The following CAMK4 variants were observed in gnomAD, a reference collection of about 807,000 sequenced individuals.
CAMK4 encodes the protein calcium/calmodulin dependent protein kinase IV.
In CAMK4, 22 loss-of-function variants were observed where a neutral mutation model predicts 44.9. That is an observed-to-expected ratio of 0.49 (90% confidence interval 0.35 to 0.70). The LOEUF (loss-of-function observed/expected upper bound fraction) is 0.70. CAMK4 is among the 30% of genes least tolerant of loss of function. The probability of loss-of-function intolerance (pLI) is 0.01; values close to 1 mark genes in which losing one functional copy is unlikely to be tolerated. For synonymous variants in CAMK4, 218 were observed against 215.4 expected (o/e 1.01, Z -0.11); for missense variants, 498 against 586.8 (o/e 0.85, Z 1.56).
intron 1 of CAMK4, among the ~76,000 whole-genome samples, chr5:111,330,459 G>T (rs1445385449): frequency 6.7e-6 from 1 of 149,380 alleles, no homozygotes; most frequent in Non-Finnish European, 1.5e-5. Context: ...AATCCTAGCA[G>T]GATCTTTGTT....
chr5:111,425,664 T>G (rs1753200619), intron 5 of CAMK4, among the ~76,000 whole-genome samples: 1 of 152,234 alleles, frequency 6.6e-6, no homozygotes, highest in Admixed American at 6.5e-5. Flanking sequence ...CAATATTGTA[T>G]TAAAATAATC....
intron 5 of CAMK4, among the ~76,000 whole-genome samples, chr5:111,445,818 T>C (rs766996456): frequency 6.6e-5 from 10 of 152,230 alleles, no homozygotes; most frequent in Non-Finnish European, 1.3e-4. Flanking sequence ...GAATGCTTTT[T>C]CTATGCATTA....
chr5:111,468,008 A>C (rs1754908960), intron 7 of CAMK4, among the ~76,000 whole-genome samples: 1 of 152,040 alleles, frequency 6.6e-6, no homozygotes, highest in Non-Finnish European at 1.5e-5. Flanking sequence ...GGAGTGAAAT[A>C]ATGACATTTG....
chr5:111,272,970 T>C (rs965483904), intron 1 of CAMK4, among the ~76,000 whole-genome samples: 2 of 152,168 alleles, frequency 1.3e-5, no homozygotes, highest in African/African-American at 2.4e-5. Context: ...CTCTAAAATA[T>C]TGCATTTCCA....
intron 5 of CAMK4, among the ~76,000 whole-genome samples, chr5:111,411,133 A>C (rs1752618329): frequency 6.6e-6 from 1 of 152,190 alleles, no homozygotes. Context: ...GATGGATCCT[A>C]AGGCAAGACA....
chr5:111,271,048 C>G (rs1750490216), intron 1 of CAMK4, among the ~76,000 whole-genome samples: 1 of 152,118 alleles, frequency 6.6e-6, no homozygotes, highest in Non-Finnish European at 1.5e-5. Context: ...CACGTGAGAA[C>G]TCACTCACTA....
At chr5:111,341,012 A>T (rs436530) in intron 1 of CAMK4, among the ~76,000 whole-genome samples, 131,848 of 150,960 alleles carry the variant, frequency 0.87, 57,836 homozygotes, top group East Asian at 1. Context: ...ATTTGTTCAT[A>T]CTAGTCTCTT....
At chr5:111,391,873 A>G (rs1751813668) in intron 4 of CAMK4, among the ~76,000 whole-genome samples, 1 of 152,204 alleles carries the variant, frequency 6.6e-6, no homozygotes, top group Non-Finnish European at 1.5e-5. Flanking sequence ...GAGCAAGTCA[A>G]TTATTTGGAG....
At chr5:111,269,711 C>T (rs933397687) in intron 1 of CAMK4, among the ~76,000 whole-genome samples, 2 of 152,114 alleles carry the variant, frequency 1.3e-5, no homozygotes, top group African/African-American at 4.8e-5. Context: ...CTGTGGACTC[C>T]CTGCAGTCCC....
chr5:111,260,712 A>G (rs1382648221), intron 1 of CAMK4, among the ~76,000 whole-genome samples: 1 of 152,092 alleles, frequency 6.6e-6, no homozygotes, highest in Non-Finnish European at 1.5e-5. Context: ...TTCGTTCCTT[A>G]TCTTCCAGTT....
rs771924210 is a variant in CAMK4 at position 111,290,333 on chromosome 5, A to C, written c.162-53691A>C. 4.6e-5 allele frequency among the ~76,000 whole-genome samples: 7 copies of C among 152,228 alleles called. No homozygotes were observed. The highest frequency in any genetic ancestry group is 9.6e-5 in the African/African-American group (4 of 41,462). On this transcript the variant is annotated intron_variant, in intron 1 of 10. Transcript: ENST00000282356. This position sits in a 1 kb window ranked among gnomAD's most constrained non-coding sequence, Gnocchi z 4.5. Reference sequence around the variant, plus strand: ...ACATTTTTGCATCTTCTTGTCATACATTAATCCCTAGCCAGAGATTAGAGC... The same window carrying C: ...ACATTTTTGCATCTTCTTGTCATACCTTAATCCCTAGCCAGAGATTAGAGC...
chr5:111,267,586 C>A (rs1006972046), intron 1 of CAMK4, among the ~76,000 whole-genome samples: 3 of 151,460 alleles, frequency 2.0e-5, no homozygotes, highest in Non-Finnish European at 4.4e-5. Flanking sequence ...CGCCTGTAGT[C>A]CCAGCTACTC....
intron 1 of CAMK4, among the ~76,000 whole-genome samples, chr5:111,276,634 A>T (rs1053602185): frequency 6.6e-6 from 1 of 152,138 alleles, no homozygotes; most frequent in African/African-American, 2.4e-5. Context: ...CACTTAGGTC[A>T]TGCCTTGTTT....
rs190523750 is a variant in CAMK4, at chr5:111,442,185, C to A, written c.460-4501C>A. ...TTAGGGGGTTCTGTGATGTCAAAAT[C>A]ATTTTATCATAATATGAAGGCATCT... On this transcript the variant is annotated intron_variant, in intron 5 of 10. Coordinates refer to ENST00000282356, the MANE Select transcript of CAMK4 (RefSeq NM_001744.6). 3.0e-3 allele frequency among the ~76,000 whole-genome samples: 463 copies of A among 152,242 alleles called. 2 individuals are homozygous for A. Among genetic ancestry groups the A allele is most frequent in the Non-Finnish European group, 3.9e-3 (266 of 68,018 alleles).
At chr5:111,464,086 TA>T (rs973055539) in intron 7 of CAMK4, among the ~76,000 whole-genome samples, 2 of 149,418 alleles carry the variant, frequency 1.3e-5, no homozygotes, top group Non-Finnish European at 3.0e-5. Context: ...TTAAATGAAA[TA>T]AAAAAAATGA....
intron 7 of CAMK4, among the ~76,000 whole-genome samples, chr5:111,467,684 T>A (rs1258263608): frequency 6.6e-6 from 1 of 152,024 alleles, no homozygotes; most frequent in Non-Finnish European, 1.5e-5. Flanking sequence ...ATGGCTATAA[T>A]CAAAAAATCA....
chr5:111,433,957 A>G (rs1479977431), intron 5 of CAMK4, among the ~76,000 whole-genome samples: 2 of 152,176 alleles, frequency 1.3e-5, no homozygotes, highest in Non-Finnish European at 2.9e-5. Context: ...TGTGATTTAG[A>G]AAGATGACCT....
chr5:111,468,404 A>C (rs1279014434), intron 7 of CAMK4, among the ~76,000 whole-genome samples: 2 of 152,246 alleles, frequency 1.3e-5, no homozygotes, highest in East Asian at 3.8e-4. Flanking sequence ...TGAGGTGAGA[A>C]AAGATATGAA....
At chr5:111,243,433 T>C (rs1423381460) in intron 1 of CAMK4, among the ~76,000 whole-genome samples, 1 of 152,184 alleles carries the variant, frequency 6.6e-6, no homozygotes. Context: ...TTATGAAAAC[T>C]GTATTGTACA....
Sources: allele counts gnomAD v4.1 joint callset (sites outside exome capture counted in the v4.1 genomes callset), GRCh38; gene constraint gnomAD v4.1.1; non-coding constraint Gnocchi (gnomAD v3.1); transcripts MANE v1.5; gene names NCBI Gene and HGNC (gene_info 2026-07-23, HGNC 2026-07-21).